The following PLAC8 variants were observed in gnomAD, a reference collection of about 807,000 sequenced individuals.
PLAC8 encodes the protein placenta associated 8.
Under a neutral mutation model 12.6 loss-of-function variants are expected in PLAC8, and 6 were observed. The observed-to-expected ratio is 0.48, with a 90% CI of 0.26 to 0.94. PLAC8 has a LOEUF of 0.94. PLAC8 is among the 40% of genes least tolerant of loss of function. PLAC8 has a pLI of 0.14. For missense variants in PLAC8, 122 were observed against 152.7 expected, an observed-to-expected ratio of 0.80 and a Z score of 1.06; for synonymous variants, 54 against 52.6, an observed-to-expected ratio of 1.03 and a Z score of -0.11.
intron 3 of PLAC8, among the ~76,000 whole-genome samples, chr4:83,098,735 GTT>G (rs36075658): frequency 0.54 from 81,237 of 150,342 alleles, 22,587 homozygotes; most frequent in Admixed American, 0.65. Context: ...CAGAATAAAG[GTT>G]TTTTTTTTTT....
intron 3 of PLAC8, among the ~76,000 whole-genome samples, chr4:83,102,950 G>A (rs1732140701): frequency 1.3e-5 from 2 of 151,364 alleles, no homozygotes; most frequent in African/African-American, 4.9e-5. Flanking sequence ...GCCGGGCGTA[G>A]TGGCGGGCAC....
chr4:83,096,362 T>C (rs1731925721), intron 3 of PLAC8, among the ~76,000 whole-genome samples: 1 of 151,782 alleles, frequency 6.6e-6, no homozygotes, highest in Admixed American at 6.6e-5. Flanking sequence ...TAGCTGAAAC[T>C]ATTTTCTATT....
At chr4:83,106,614 T>C (rs1442816258) in intron 2 of PLAC8, among the ~76,000 whole-genome samples, 1 of 151,390 alleles carries the variant, frequency 6.6e-6, no homozygotes, top group Admixed American at 6.6e-5. Context: ...TGAGACTGTG[T>C]CTCAAAAAAA....
At chr4:83,096,642 T>C (rs1731934157) in intron 3 of PLAC8, among the ~76,000 whole-genome samples, 2 of 152,226 alleles carry the variant, frequency 1.3e-5, no homozygotes, top group African/African-American at 4.8e-5. Flanking sequence ...CTCATATAAA[T>C]ATAGATTAGA....
chr4:83,098,741 T>A (rs1732009022), intron 3 of PLAC8, among the ~76,000 whole-genome samples: 1 of 152,132 alleles, frequency 6.6e-6, no homozygotes. Flanking sequence ...AAAGGTTTTT[T>A]TTTTTTTAAT....
At chr4:83,107,347 C>T (rs544196268) in intron 2 of PLAC8, among the ~76,000 whole-genome samples, 5 of 151,734 alleles carry the variant, frequency 3.3e-5, no homozygotes, top group African/African-American at 4.8e-5. Flanking sequence ...TTTCTCTGAA[C>T]GCATATGGAA....
At chr4:83,099,961 A>T (rs1267133897) in intron 3 of PLAC8, among the ~76,000 whole-genome samples, 16 of 151,532 alleles carry the variant, frequency 1.1e-4, no homozygotes, top group African/African-American at 3.6e-4. Context: ...AGACGAGATC[A>T]TACCACTGCA....
intron 3 of PLAC8, among the ~76,000 whole-genome samples, chr4:83,097,032 TA>T (rs1228434643): frequency 3.3e-5 from 5 of 152,230 alleles, no homozygotes; most frequent in African/African-American, 1.2e-4. Context: ...GAAACCAGTA[TA>T]AAACGGTACC....
intron 1 of PLAC8, chr4:83,109,965 G>T (rs896560773): frequency 6.6e-6 from 1 of 152,258 alleles, no homozygotes; most frequent in Non-Finnish European, 1.5e-5. Context: ...TGCGTCTGCG[G>T]ATGGCTGCCC....
intron 1 of PLAC8, among the ~76,000 whole-genome samples, chr4:83,113,885 G>A (rs1732477126): frequency 6.6e-6 from 1 of 151,848 alleles, no homozygotes; most frequent in African/African-American, 2.4e-5. Context: ...TCTTGTATTT[G>A]TCTCTCCTTT....
rs77953301 is a variant in PLAC8 at position 83,110,382 on chromosome 4, G to C, written c.-29-2432C>G. 4.4e-3 allele frequency among the ~76,000 whole-genome samples: 667 copies of C among 152,218 alleles called. 4 individuals carry two copies. Among genetic ancestry groups the C allele is most frequent in the African/African-American group, 0.015 (628 of 41,510 alleles). ...TGCCGCCAATCTCATGAAATAAGAG[G>C]TAAGGACCTTGCAATGATTCCGTTT... On this transcript the variant is annotated intron_variant, in intron 1 of 4. Transcript: ENST00000311507.
intron 3 of PLAC8, among the ~76,000 whole-genome samples, chr4:83,100,171 C>G (rs1161220282): frequency 6.6e-6 from 1 of 150,950 alleles, no homozygotes; most frequent in East Asian, 1.9e-4. Context: ...GTCCCAGCTA[C>G]TTGGGAGGCT....
rs148335977 is a variant in PLAC8 at position 83,094,698 on chromosome 4, G to T, written c.337C>A (p.Arg113Ser). 2.1e-5 allele frequency: 33 copies of T among 1,597,106 alleles called. No homozygotes were observed. The highest frequency in any genetic ancestry group is 2.7e-5 in the Non-Finnish European group (32 of 1,171,366). ...KRDINRRRAM[R>S]TF ...CTCACCATCAGTTTTTAGAAAGTACGCATGGCTCTCCTTCTGTTGATATCT... is the reference window on the plus strand; with the variant it reads ...CTCACCATCAGTTTTTAGAAAGTACTCATGGCTCTCCTTCTGTTGATATCT... The change falls in exon 4 of 5, where the codon CGT becomes AGT. Residue 113 changes from arginine to serine, a missense_variant. Physicochemically the swap from Arg to Ser is moderately radical, Grantham distance 110. Transcript: ENST00000311507.
intron 3 of PLAC8, among the ~76,000 whole-genome samples, chr4:83,100,098 G>A (rs995068999): frequency 4.0e-5 from 6 of 151,188 alleles, no homozygotes; most frequent in African/African-American, 7.3e-5. Context: ...CTGCCTAGAC[G>A]GTGGAACCCC....
At chr4:83,111,745 G>A (rs912701584) in intron 1 of PLAC8, among the ~76,000 whole-genome samples, 1 of 152,118 alleles carries the variant, frequency 6.6e-6, no homozygotes, top group African/African-American at 2.4e-5. Flanking sequence ...TTATGTAATT[G>A]TTTTTCCTTT....
At chr4:83,114,120 C>G (rs1732481548) in intron 1 of PLAC8, among the ~76,000 whole-genome samples, 1 of 151,960 alleles carries the variant, frequency 6.6e-6, no homozygotes. Context: ...CTCTCCATCT[C>G]TCTTTATACA....
At position 83,104,929 on chromosome 4, in the gene PLAC8, C is replaced by T; in HGVS notation, c.210G>A (p.Met70Ile). 1 of 1,614,120 alleles carries T rather than the reference C, an allele frequency of 6.2e-7. No homozygotes were observed. The highest frequency in any genetic ancestry group is 8.5e-7 in the Non-Finnish European group (1 of 1,180,012). The change falls in exon 3 of 5, where the codon ATG (methionine) becomes ATA (isoleucine). Residue 70 changes from methionine to isoleucine, a missense_variant. Coordinates refer to ENST00000311507, the MANE Select transcript of PLAC8 (RefSeq NM_016619.3). ...CATATCGGGTCCTGTAGAGAGTCCT[C>T]ATTGCGACGCTTGTTCCACACAGAC... is the stretch of plus-strand genomic sequence containing the variant. ...ECCLCGTSVA[M>I]RTLYRTRYGI...
At chr4:83,106,946 T>A (rs1256865236) in intron 2 of PLAC8, among the ~76,000 whole-genome samples, 1 of 152,160 alleles carries the variant, frequency 6.6e-6, no homozygotes. Flanking sequence ...ACGCTTGTAA[T>A]CCCAGTACTT....
At chr4:83,092,810 C>CTTGTTT in intron 4 of PLAC8, 2 of 84,872 alleles carry the variant, frequency 2.4e-5, no homozygotes, top group East Asian at 7.5e-4. Flanking sequence ...TTTTCTTTTC[C>CTTGTTT]TTTTTTTTTT....
Sources: gnomAD v4.1 joint callset for allele counts (sites outside exome capture counted in the v4.1 genomes callset) on GRCh38, gnomAD v4.1.1 for gene constraint, MANE v1.5 for transcripts, NCBI Gene and HGNC (gene_info 2026-07-23, HGNC 2026-07-21) for gene names.